ZSWIM6: variants seen among roughly 807,000 people sequenced by gnomAD.
ZSWIM6 encodes zinc finger SWIM-type containing 6.
ZSWIM6 carries 9 observed loss-of-function variants against 113.2 expected under a neutral mutation model. The ratio of observed to expected loss-of-function variants is 0.08; its 90% CI spans 0.05 to 0.14. The LOEUF is 0.14. Among genes scored for constraint, ZSWIM6 ranks in the 10% least tolerant of loss-of-function variants. ZSWIM6 has a pLI of 1.00. For missense variants in ZSWIM6, 1,162 were observed against 1,552.2 expected (o/e 0.75, Z 4.22); for synonymous variants, 611 against 606.5 (o/e 1.01, Z -0.11).
chr5:61,394,273 G>A (rs1430875861), intron 1 of ZSWIM6, among the ~76,000 whole-genome samples: 2 of 152,274 alleles, frequency 1.3e-5, no homozygotes, highest in East Asian at 3.9e-4. Context: ...GGCACATCCC[G>A]CTTGGAGTGC....
At chr5:61,372,664 C>T (rs1407949482) in intron 1 of ZSWIM6, among the ~76,000 whole-genome samples, 1 of 152,182 alleles carries the variant, frequency 6.6e-6, no homozygotes. Context: ...TTCACTTCTC[C>T]TGAGCTCCAG....
chr5:61,403,189 C>T (rs1157149190), intron 1 of ZSWIM6, among the ~76,000 whole-genome samples: 1 of 152,120 alleles, frequency 6.6e-6, no homozygotes, highest in Non-Finnish European at 1.5e-5. Context: ...TAACTCTAGT[C>T]CTTTAAGACT....
At chr5:61,412,756 G>A (rs1004793493) in intron 1 of ZSWIM6, among the ~76,000 whole-genome samples, 3 of 152,072 alleles carry the variant, frequency 2.0e-5, no homozygotes, top group African/African-American at 7.2e-5. Flanking sequence ...ATTTAAAATG[G>A]TTTATTGTGA....
At position 61,426,476 on chromosome 5, in the gene ZSWIM6, A is replaced by G. The variant is rs553400383; in HGVS notation, c.677-46205A>G. Among the ~76,000 whole-genome samples, 37 of 152,348 alleles carry G rather than the reference A, an allele frequency of 2.4e-4. 1 individual carries two copies. In the South Asian group the frequency reaches 6.0e-3, roughly 25 times the overall value. On this transcript the variant is annotated intron_variant, in intron 1 of 13. Transcript: ENST00000252744. The stretch of plus-strand genomic sequence containing the variant: ...ATATTGTTTTTCCAAACCATTTTGG[A>G]ATATTTTCTTACAAAACTACATACA...
chr5:61,399,591 A>G (rs1745905843), intron 1 of ZSWIM6, among the ~76,000 whole-genome samples: 1 of 152,182 alleles, frequency 6.6e-6, no homozygotes, highest in Non-Finnish European at 1.5e-5. Flanking sequence ...CTAAATTCTT[A>G]GTGGGGACAC....
chr5:61,475,699 G>A (rs180758810), intron 2 of ZSWIM6, among the ~76,000 whole-genome samples: 36 of 152,290 alleles, frequency 2.4e-4, no homozygotes, highest in Admixed American at 7.2e-4. Flanking sequence ...AAAGAAGAGA[G>A]GTAGGAAGCA....
At chr5:61,337,184 CAGG>C (rs1744418331) in intron 1 of ZSWIM6, among the ~76,000 whole-genome samples, 1 of 152,040 alleles carries the variant, frequency 6.6e-6, no homozygotes, top group African/African-American at 2.4e-5. Flanking sequence ...GAGGCTGGGG[CAGG>C]AGAATCGTTT....
At chr5:61,535,786 G>A (rs1333415748) in intron 10 of ZSWIM6, among the ~76,000 whole-genome samples, 167 bp downstream of exon 10, 1 of 152,180 alleles carries the variant, frequency 6.6e-6, no homozygotes, top group Non-Finnish European at 1.5e-5. Flanking sequence ...TTGTTGGCTT[G>A]TTTTGCTTCT....
chr5:61,360,044 A>G (rs1745000887), intron 1 of ZSWIM6, among the ~76,000 whole-genome samples: 2 of 151,984 alleles, frequency 1.3e-5, no homozygotes, highest in African/African-American at 4.8e-5. Context: ...ATGAATGTTG[A>G]TTGTTGAATG....
chr5:61,379,218 A>T (rs1745430848), intron 1 of ZSWIM6, among the ~76,000 whole-genome samples: 2 of 151,748 alleles, frequency 1.3e-5, no homozygotes. Context: ...AAGAATGTAA[A>T]AAGATAAATA....
chr5:61,457,852 T>C (rs530296851), intron 1 of ZSWIM6, among the ~76,000 whole-genome samples: 1 of 152,160 alleles, frequency 6.6e-6, no homozygotes, highest in African/African-American at 2.4e-5. Flanking sequence ...TATCTGATGA[T>C]ACTGAAGTAC....
chr5:61,455,028 C>G (rs1362071367), intron 1 of ZSWIM6, among the ~76,000 whole-genome samples: 1 of 151,874 alleles, frequency 6.6e-6, no homozygotes, highest in Non-Finnish European at 1.5e-5. Flanking sequence ...ATTGAGAAAC[C>G]AAGATCTGGG....
chr5:61,340,738 T>TCAAAA lies in ZSWIM6; in HGVS notation c.676+7793_676+7794insAACAA, dbSNP rs112347555. ...TGTCTTAGTTTGGTAGTCTCTGAAATCAAGCATATTCTTGAATGTAACTTG... is the reference window on the plus strand; with the variant it reads ...TGTCTTAGTTTGGTAGTCTCTGAAATCAAAACAAGCATATTCTTGAATGTAACTTG... On this transcript the variant is annotated intron_variant, in intron 1 of 13. Transcript: ENST00000252744. 4.7e-4 allele frequency among the ~76,000 whole-genome samples: 72 copies of TCAAAA among 152,356 alleles called. 2 individuals are homozygous for TCAAAA. Among genetic ancestry groups the TCAAAA allele is most frequent in the African/African-American group, 1.7e-3 (70 of 41,580 alleles).
At chr5:61,531,320 T>G in intron 8 of ZSWIM6, 145 bp from the exon 9 acceptor site, 1 of 969,032 alleles carries the variant, frequency 1.0e-6, no homozygotes, top group East Asian at 2.7e-5. Flanking sequence ...AAGACTGCAC[T>G]TTAGCCTAAA....
In ZSWIM6 at chr5:61,494,331, G is replaced by T; in HGVS notation, c.1254G>T (p.Met418Ile). The T allele has an allele frequency of 6.4e-7, 1 of 1,551,142 alleles. No individual in the cohort carries two copies. The highest frequency in any genetic ancestry group is 8.7e-7 in the Non-Finnish European group (1 of 1,146,610). The change falls in exon 4 of 14, where the codon ATG (methionine) becomes ATT (isoleucine). Residue 418 changes from methionine to isoleucine, a missense_variant. Around this residue, in one of 4 missense-constraint regions of ZSWIM6, gnomAD observed 620 missense variants for 804.6 expected, o/e 0.77. Transcript: ENST00000252744. ...RMLTLITEQF[M>I]ADPRLSLWRQ... ...TGACCTTGATAACAGAGCAATTCAT[G>T]GCTGACCCTCGCCTGTCACTTTGGC... is the stretch of plus-strand genomic sequence containing the variant.
chr5:61,539,721 A>G lies in ZSWIM6; in HGVS notation c.2665A>G (p.Ile889Val). Reference sequence around the variant, plus strand: ...AACTCTCATGGACAGTTTGCCAGACATCACTCTTTTGAAAGTGTCTCTGGA... The same window carrying G: ...AACTCTCATGGACAGTTTGCCAGACGTCACTCTTTTGAAAGTGTCTCTGGA... ...IATLMDSLPD[I>V]TLLKVSLELG... Residue 889 changes from isoleucine (I) to valine (V), a missense_variant, in exon 12 of 14, where the codon ATC (isoleucine) becomes GTC (valine). Transcript: ENST00000252744. The G allele has an allele frequency of 6.4e-7, 1 of 1,551,642 alleles. No homozygotes were observed. Among genetic ancestry groups the G allele is most frequent in the South Asian group, 1.2e-5 (1 of 84,046 alleles).
At chr5:61,427,601 C>T (rs1435706499) in intron 1 of ZSWIM6, among the ~76,000 whole-genome samples, 5 of 152,150 alleles carry the variant, frequency 3.3e-5, no homozygotes, top group African/African-American at 1.2e-4. Flanking sequence ...ACCTCAGCCT[C>T]CCAAGTAGGT....
At chr5:61,514,834 T>A (rs1304305818) in intron 4 of ZSWIM6, among the ~76,000 whole-genome samples, 1 of 152,150 alleles carries the variant, frequency 6.6e-6, no homozygotes, top group African/African-American at 2.4e-5. Flanking sequence ...CAGTTGAGCC[T>A]ACTTGTAATG....
chr5:61,456,903 CT>C (rs57733333), intron 1 of ZSWIM6, among the ~76,000 whole-genome samples: 4 of 144,740 alleles, frequency 2.8e-5, no homozygotes, highest in African/African-American at 5.1e-5. Context: ...TTTTTTTTTT[CT>C]TTTTTTTATT....
Sources: gnomAD v4.1 joint callset for allele counts (sites outside exome capture counted in the v4.1 genomes callset) on GRCh38, gnomAD v4.1.1 for gene constraint, gnomAD v4.1.1 regional missense constraint, MANE v1.5 for transcripts, NCBI Gene and HGNC (gene_info 2026-07-23, HGNC 2026-07-21) for gene names.